Variants in FRMD1 observed in about 807,000 individuals in gnomAD.
FRMD1 encodes FERM domain-containing protein 1.
In FRMD1, 51 loss-of-function variants were observed where a neutral mutation model predicts 54.9. That is an observed-to-expected ratio of 0.93 (90% CI 0.74 to 1.17). The LOEUF is 1.17. Ranked by LOEUF, FRMD1 falls within the 50% of genes most tolerant of loss-of-function variation. The pLI, the probability that FRMD1 is intolerant of heterozygous loss-of-function variation, is 0.00. For missense variants in FRMD1, 729 were observed against 743.0 expected, an observed-to-expected ratio of 0.98 and a Z score of 0.22; for synonymous variants, 324 against 306.4, an observed-to-expected ratio of 1.06 and a Z score of -0.60.
Position 168,059,345 on chromosome 6 carries a change from C to T in FRMD1, c.1343-157G>A, listed in dbSNP as rs1391295717. ...GCTCTCAGTGCGGTGACTGCTTTTG[C>T]TCCATTCCCCGACATCTGATAAAAC... On this transcript the variant is annotated intron_variant, in intron 9 of 10. Transcript: ENST00000283309. The surrounding 1 kb of genome is among the most constrained non-coding windows in gnomAD (Gnocchi z 4.4). Among the ~76,000 whole-genome samples the T allele has an allele frequency of 6.6e-6, 1 of 152,204 alleles. No homozygotes were observed. The highest frequency in any genetic ancestry group is 1.9e-4 in the East Asian group (1 of 5,180).
In FRMD1 at chr6:168,072,010, C is replaced by T. The variant is rs138823517; in HGVS notation, c.304+3235G>A. On this transcript the variant is annotated intron_variant, in intron 2 of 10. Coordinates refer to ENST00000283309, the MANE Select transcript of FRMD1 (RefSeq NM_024919.6). ...CTTAGCATCTGGGCAGCTGATGACACGGACACTGTGCCTCAGTCGAAAGGG... is the reference window on the plus strand; with the variant it reads ...CTTAGCATCTGGGCAGCTGATGACATGGACACTGTGCCTCAGTCGAAAGGG... 1.3e-3 allele frequency among the ~76,000 whole-genome samples: 205 copies of T among 152,354 alleles called. 1 individual carries two copies. Among genetic ancestry groups the T allele is most frequent in the African/African-American group, 4.7e-3 (196 of 41,592 alleles).
At chr6:168,069,463 C>T (rs1036046416) in intron 2 of FRMD1, among the ~76,000 whole-genome samples, 1 of 152,168 alleles carries the variant, frequency 6.6e-6, no homozygotes, top group African/African-American at 2.4e-5. Flanking sequence ...GGTCCTGACT[C>T]CCCCGAATTC....
intron 1 of FRMD1, among the ~76,000 whole-genome samples, chr6:168,089,794 T>C (rs566972911): frequency 6.6e-6 from 1 of 152,314 alleles, no homozygotes; most frequent in East Asian, 1.9e-4. Flanking sequence ...AATGGAACTC[T>C]GCTCCTAAAA....
chr6:168,071,675 C>T (rs1443731991), intron 2 of FRMD1, among the ~76,000 whole-genome samples: 1 of 152,238 alleles, frequency 6.6e-6, no homozygotes, highest in Non-Finnish European at 1.5e-5. Flanking sequence ...TCAAGAAAGA[C>T]GTGAGAAAGG....
rs1562430240 is a variant in FRMD1, at chr6:168,078,634, T to TGCTCACCCCCACAGCCC, written c.213+247_213+248insGGGCTGTGGGGGTGAGC. Among the ~76,000 whole-genome samples, 6 of 34,684 alleles carry TGCTCACCCCCACAGCCC rather than the reference T, an allele frequency of 1.7e-4. 1 individual carries two copies. Among genetic ancestry groups the TGCTCACCCCCACAGCCC allele is most frequent in the African/African-American group, 2.3e-4 (2 of 8,626 alleles). The allele number at this position is 34,684 out of a possible 152,430, so 22.8% of individuals were successfully genotyped here. On this transcript the variant is annotated intron_variant, in intron 1 of 10. Transcript: ENST00000283309. ...CACGGCCCTGCTCACCCCCACAGCC[T>TGCTCACCCCCACAGCCC]TGCTCACCCCCACGGCCACCCAGGG...
intron 1 of FRMD1, among the ~76,000 whole-genome samples, chr6:168,077,973 A>G (rs1478286263): frequency 1.3e-5 from 2 of 152,172 alleles, no homozygotes; most frequent in Non-Finnish European, 2.9e-5. Flanking sequence ...GTTTACGTAA[A>G]CACAGAACTC....
At chr6:168,091,663 C>T (rs528226670) in intron 1 of FRMD1, among the ~76,000 whole-genome samples, 116 of 152,330 alleles carry the variant, frequency 7.6e-4, no homozygotes, top group African/African-American at 2.7e-3. Context: ...CTGGTGCTGC[C>T]GGCCCAGGGA....
upstream of FRMD1, among the ~76,000 whole-genome samples, chr6:168,081,073 G>T (rs1800815734): frequency 6.6e-6 from 1 of 152,210 alleles, no homozygotes. Flanking sequence ...GAGTCTCAGG[G>T]CCACACCGTT....
chr6:168,069,713 A>T (rs1265569455), intron 2 of FRMD1, among the ~76,000 whole-genome samples: 5 of 152,136 alleles, frequency 3.3e-5, no homozygotes, highest in Non-Finnish European at 7.4e-5. Context: ...TTAACCTCAA[A>T]CACTACGAGA....
chr6:168,085,124 G>A (rs1261002701), upstream of FRMD1, among the ~76,000 whole-genome samples: 4 of 152,226 alleles, frequency 2.6e-5, no homozygotes, highest in South Asian at 4.1e-4. Flanking sequence ...TGGAGCAGTC[G>A]GTTGGCCCCG....
upstream of FRMD1, chr6:168,081,220 G>T (rs532280608): frequency 1.2e-5 from 10 of 820,560 alleles, no homozygotes; most frequent in African/African-American, 1.4e-4. Flanking sequence ...AAGGGTGGTC[G>T]CCATGAGTAC....
At chr6:168,063,531 C>T in intron 6 of FRMD1, 70 bp downstream of exon 6, 1 of 1,485,970 alleles carries the variant, frequency 6.7e-7, no homozygotes, top group South Asian at 1.4e-5. Context: ...TCCCACTCAG[C>T]CATGGGGGCT....
Position 168,075,392 on chromosome 6 carries a change from C to T in FRMD1, c.214-57G>A, listed in dbSNP as rs993674978. 1.4e-5 allele frequency: 20 copies of T among 1,444,474 alleles called. 1 individual carries two copies. The highest frequency in any genetic ancestry group is 1.3e-4 in the African/African-American group (9 of 71,596). 89.5% of individuals were successfully genotyped at this position (1,444,474 alleles called of 1,614,324 possible). ...GGGCCGGCACCTGTCCCCAGGGAGGCCACCTCAGCAAACGAGGCCCAGCGG... is the reference window on the plus strand; with the variant it reads ...GGGCCGGCACCTGTCCCCAGGGAGGTCACCTCAGCAAACGAGGCCCAGCGG... On this transcript the variant is annotated intron_variant, in intron 1 of 10. Coordinates refer to ENST00000283309, the MANE Select transcript of FRMD1 (RefSeq NM_024919.6).
chr6:168,078,593 C>CGGCCACCCAG (rs1213673618), intron 1 of FRMD1, among the ~76,000 whole-genome samples: 1 of 131,986 alleles, frequency 7.6e-6, no homozygotes, highest in African/African-American at 2.9e-5. Flanking sequence ...CTCACCCCCA[C>CGGCCACCCAG]GGCTCTGCTC....
chr6:168,076,048 C>T (rs1800580305), intron 1 of FRMD1, among the ~76,000 whole-genome samples: 1 of 152,218 alleles, frequency 6.6e-6, no homozygotes, highest in South Asian at 2.1e-4. Flanking sequence ...GCATCCCCTG[C>T]AGAGCTCTTC....
chr6:168,064,080 G>C (rs1043280440), intron 5 of FRMD1, among the ~76,000 whole-genome samples: 1 of 152,204 alleles, frequency 6.6e-6, no homozygotes, highest in Non-Finnish European at 1.5e-5. Flanking sequence ...GGACCAGCTG[G>C]GGCCATCACC....
At chr6:168,083,221 G>A (rs1208014928), upstream of FRMD1, among the ~76,000 whole-genome samples, 1 of 152,238 alleles carries the variant, frequency 6.6e-6, no homozygotes, top group Non-Finnish European at 1.5e-5. Flanking sequence ...ACCCGTCTCT[G>A]TGGTGCTAGC....
rs371020738 is a variant in FRMD1 at position 168,059,233 on chromosome 6, C to T, written c.1343-45G>A. ...TGAGCACAGGTGTCTGGGTTCTGCC[C>T]GACATGGCTCCTCCCCAGGGCAGTT... On this transcript the variant is annotated intron_variant, in intron 9 of 10. Transcript: ENST00000283309. The surrounding 1 kb of genome is among the most constrained non-coding windows in gnomAD (Gnocchi z 4.4). 33 of 1,505,084 alleles carry T rather than the reference C, an allele frequency of 2.2e-5. No homozygotes were observed. The highest frequency in any genetic ancestry group is 1.2e-4 in the East Asian group (5 of 41,322). 93.2% of individuals were successfully genotyped at this position (1,505,084 alleles called of 1,614,324 possible). A position where few individuals can be genotyped will look rare whatever the true frequency, so the allele number is the denominator to read the frequency against.
chr6:168,065,388 T>G (rs1204911957), intron 4 of FRMD1: 2 of 1,082,338 alleles, frequency 1.8e-6, no homozygotes, highest in African/African-American at 1.6e-5. Flanking sequence ...CCCGGGCGAC[T>G]CGAATCCCTG....
Sources: gnomAD v4.1 joint callset for allele counts (sites outside exome capture counted in the v4.1 genomes callset) on GRCh38, gnomAD v4.1.1 for gene constraint, Gnocchi (gnomAD v3.1) non-coding constraint, MANE v1.5 for transcripts, NCBI Gene and HGNC (gene_info 2026-07-23, HGNC 2026-07-21) for gene names.